The following STXBP5L variants were observed in gnomAD, a reference collection of about 807,000 sequenced individuals.
STXBP5L encodes the protein syntaxin binding protein 5L, also known as syntaxin-binding protein 5-like.
Under a neutral mutation model 144.5 loss-of-function variants are expected in STXBP5L, and 65 were observed. The observed-to-expected ratio is 0.45, with a 90% CI of 0.37 to 0.55. The LOEUF is 0.55. Among genes scored for constraint, STXBP5L ranks in the 20% least tolerant of loss-of-function variants. The pLI, the probability that STXBP5L is intolerant of heterozygous loss-of-function variation, is 0.00. For synonymous variants in STXBP5L, 505 were observed against 469.6 expected (o/e 1.08, Z -0.97); for missense variants, 1,298 against 1,405.5 (o/e 0.92, Z 1.22).
intron 20 of STXBP5L, among the ~76,000 whole-genome samples, chr3:121,368,293 A>G (rs748647334): frequency 6.6e-6 from 1 of 151,996 alleles, no homozygotes; most frequent in Non-Finnish European, 1.5e-5. Context: ...TTCGGTTATT[A>G]TACTTTTAAG....
At chr3:121,331,762 T>C (rs1577476585) in intron 20 of STXBP5L, among the ~76,000 whole-genome samples, 1 of 152,280 alleles carries the variant, frequency 6.6e-6, no homozygotes, top group Non-Finnish European at 1.5e-5. Flanking sequence ...CCTCCCCTAC[T>C]GGACTGAAGC....
At chr3:121,321,007 A>G (rs997139461) in intron 20 of STXBP5L, among the ~76,000 whole-genome samples, 1 of 152,102 alleles carries the variant, frequency 6.6e-6, no homozygotes, top group African/African-American at 2.4e-5. Flanking sequence ...CCCACACTTT[A>G]TTTTTAATTT....
intron 5 of STXBP5L, among the ~76,000 whole-genome samples, chr3:121,054,847 A>T (rs985914278): frequency 6.6e-6 from 1 of 152,080 alleles, no homozygotes; most frequent in African/African-American, 2.4e-5. Context: ...TCTGTTTGTA[A>T]GATTTTTCTT....
chr3:120,987,908 CTG>C (rs1942456591), intron 3 of STXBP5L, among the ~76,000 whole-genome samples: 1 of 151,740 alleles, frequency 6.6e-6, no homozygotes, highest in Non-Finnish European at 1.5e-5. Flanking sequence ...GTAGAATTCT[CTG>C]GTGAAACCAA....
At chr3:121,297,724 A>T (rs1376103146) in intron 19 of STXBP5L, among the ~76,000 whole-genome samples, 1 of 152,350 alleles carries the variant, frequency 6.6e-6, no homozygotes, top group African/African-American at 2.4e-5. Context: ...ACTGCACTAC[A>T]GCCTGCGCGA....
At chr3:121,078,475 G>A (rs1351845635) in intron 5 of STXBP5L, among the ~76,000 whole-genome samples, 1 of 152,254 alleles carries the variant, frequency 6.6e-6, no homozygotes, top group Admixed American at 6.5e-5. Flanking sequence ...GTCACCCAGT[G>A]GATCCTGCAC....
At chr3:121,074,306 G>A (rs1310783001) in intron 5 of STXBP5L, among the ~76,000 whole-genome samples, 1 of 152,154 alleles carries the variant, frequency 6.6e-6, no homozygotes, top group Non-Finnish European at 1.5e-5. Flanking sequence ...TATATGGGTT[G>A]GGCACAATGG....
intron 5 of STXBP5L, among the ~76,000 whole-genome samples, chr3:121,072,794 C>T (rs2041860778): frequency 6.6e-6 from 1 of 152,202 alleles, no homozygotes; most frequent in African/African-American, 2.4e-5. Flanking sequence ...TCTTTTGGAG[C>T]CCATACGGCT....
At chr3:121,378,954 G>A (rs2046260339) in intron 21 of STXBP5L, 68 bp downstream of exon 21, 1 of 1,466,788 alleles carries the variant, frequency 6.8e-7, no homozygotes. Context: ...TGGGAACAGA[G>A]ATATGGGATG....
chr3:121,382,319 G>A (rs900705299), intron 22 of STXBP5L, among the ~76,000 whole-genome samples: 2 of 151,984 alleles, frequency 1.3e-5, no homozygotes, highest in African/African-American at 4.8e-5. Flanking sequence ...AGTGTGCTAA[G>A]TTCATATGAC....
chr3:121,344,964 T>C (rs1204567642), intron 20 of STXBP5L, among the ~76,000 whole-genome samples: 1 of 150,080 alleles, frequency 6.7e-6, no homozygotes, highest in Non-Finnish European at 1.5e-5. Context: ...TATAAGATTA[T>C]ATATATATAC....
intron 7 of STXBP5L, among the ~76,000 whole-genome samples, chr3:121,143,579 T>C (rs1196995172): frequency 6.6e-6 from 1 of 151,700 alleles, no homozygotes; most frequent in Non-Finnish European, 1.5e-5. Flanking sequence ...CAATAATTAA[T>C]GTAGTATGAC....
At chr3:121,400,696 C>G (rs967850724) in intron 22 of STXBP5L, among the ~76,000 whole-genome samples, 2 of 152,142 alleles carry the variant, frequency 1.3e-5, no homozygotes, top group African/African-American at 4.8e-5. Flanking sequence ...ATCCCCATAC[C>G]TAAGAATGTG....
rs755132223 is a variant in STXBP5L at position 121,114,925 on chromosome 3, A to G, written c.471A>G (p.Arg157=). The change falls in exon 6 of 27, where the codon CGA becomes CGG. Residue 157 remains arginine, a splice_region_variant and synonymous_variant. Coordinates refer to ENST00000471454, the MANE Select transcript of STXBP5L (RefSeq NM_001308330.2). ...ILHSLKFNRE[R]ITYCHLPFQS... is the part of the protein sequence containing the mutation. ...TTAATTATAATTTTCTTTCTTTCAG[A>G]ATTACTTACTGTCATCTACCTTTCC... 5.3e-6 allele frequency: 8 copies of G among 1,507,202 alleles called. No individual in the cohort carries two copies. The allele number at this position is 1,507,202 out of a possible 1,614,324, so 93.4% of individuals were successfully genotyped here.
chr3:121,280,031 C>T, intron 19 of STXBP5L, 75 bp downstream of exon 19: 1 of 1,509,626 alleles, frequency 6.6e-7, no homozygotes, highest in Non-Finnish European at 8.9e-7. Flanking sequence ...TCTTGTCTTT[C>T]TTCTCTGATA....
chr3:121,115,734 G>T (rs1408751608), intron 6 of STXBP5L, among the ~76,000 whole-genome samples: 1 of 152,146 alleles, frequency 6.6e-6, no homozygotes, highest in Non-Finnish European at 1.5e-5. Flanking sequence ...AGGAAGCATG[G>T]TGCTGGCATC....
At position 121,419,945 on chromosome 3, in the gene STXBP5L, AAT is replaced by A. The variant is rs2047322098; in HGVS notation, c.*850_*851del. Reference sequence around the variant, plus strand: ...GTAGGTGTGGGGAATCTATAGGAACAATAGAGTTAGCTATGAGAACTGACTTC... The same window carrying A: ...GTAGGTGTGGGGAATCTATAGGAACAAGAGTTAGCTATGAGAACTGACTTC... On this transcript the variant is annotated 3_prime_UTR_variant, in exon 27 of 27. Transcript: ENST00000471454. 6.6e-6 allele frequency: 1 copy of A among 152,186 alleles called. No homozygotes were observed. The allele number at this position is 152,186 out of a possible 1,614,324, so 9.4% of individuals were successfully genotyped here. A position where few individuals can be genotyped will look rare whatever the true frequency, so the allele number is the denominator to read the frequency against.
intron 5 of STXBP5L, 62 bp downstream of exon 5, chr3:121,045,597 T>G: frequency 1.4e-6 from 2 of 1,464,716 alleles, no homozygotes; most frequent in Non-Finnish European, 1.9e-6. Context: ...TGAGCAAGTT[T>G]TTGTTAACTT....
intron 15 of STXBP5L, among the ~76,000 whole-genome samples, chr3:121,252,096 A>C (rs1192562376): frequency 6.6e-6 from 1 of 152,170 alleles, no homozygotes; most frequent in Non-Finnish European, 1.5e-5. Context: ...GCAGTTGTTC[A>C]CATCTGTAAT....
Sources: gnomAD v4.1 joint callset for allele counts (sites outside exome capture counted in the v4.1 genomes callset) on GRCh38, gnomAD v4.1.1 for gene constraint, MANE v1.5 for transcripts, NCBI Gene and HGNC (gene_info 2026-07-23, HGNC 2026-07-21) for gene names.